The following RASL12 variants were observed in gnomAD, a reference collection of about 807,000 sequenced individuals.
The protein encoded by RASL12 is ras-like protein family member 12.
In RASL12, 16 loss-of-function variants were observed where a neutral mutation model predicts 22.9. The ratio of observed to expected loss-of-function variants is 0.70; its 90% CI spans 0.47 to 1.06. The LOEUF is 1.06. RASL12 is among the 50% of genes least tolerant of loss of function. The pLI is 0.00. For missense variants in RASL12, 306 were observed against 353.1 expected (o/e 0.87, Z 1.07); for synonymous variants, 159 against 152.2 (o/e 1.04, Z -0.33).
chr15:65,057,971 C>T (rs867733964), intron 4 of RASL12, among the ~76,000 whole-genome samples: 5 of 152,220 alleles, frequency 3.3e-5, no homozygotes, highest in Admixed American at 1.3e-4. Context: ...CTACCATACC[C>T]TTACAACATA....
chr15:65,049,295 C>T (rs994743976), downstream of RASL12: 24 of 107,784 alleles, frequency 2.2e-4, no homozygotes, highest in African/African-American at 8.5e-4. Flanking sequence ...TCTTCCCTTG[C>T]AAATAACAGA....
chr15:65,051,904 C>T (rs1000552319), downstream of RASL12, among the ~76,000 whole-genome samples: 11 of 152,340 alleles, frequency 7.2e-5, no homozygotes, highest in African/African-American at 2.6e-4. Context: ...TATCAGCACA[C>T]ATGCACCTCA....
chr15:65,067,353 G>A (rs1039601815), intron 1 of RASL12, among the ~76,000 whole-genome samples: 2 of 151,990 alleles, frequency 1.3e-5, no homozygotes, highest in African/African-American at 4.8e-5. Flanking sequence ...CTGGCCCCAG[G>A]GTAGGTCATA....
chr15:65,062,671 C>T (rs990667003), intron 2 of RASL12, among the ~76,000 whole-genome samples: 3 of 152,220 alleles, frequency 2.0e-5, no homozygotes, highest in Non-Finnish European at 2.9e-5. Flanking sequence ...GGGAATGAAT[C>T]TCCACCCTCA....
upstream of RASL12, among the ~76,000 whole-genome samples, chr15:65,072,448 C>T (rs773367388): frequency 7.9e-4 from 121 of 152,278 alleles, no homozygotes; most frequent in Middle Eastern, 0.014. Flanking sequence ...GAGAGAAGTT[C>T]CCCTGCCTCT....
intron 1 of RASL12, among the ~76,000 whole-genome samples, chr15:65,073,684 C>A (rs1370735561): frequency 6.6e-6 from 1 of 152,222 alleles, no homozygotes; most frequent in Non-Finnish European, 1.5e-5. Flanking sequence ...GTCTGCCACT[C>A]TCTGGCTATG....
chr15:65,053,175 G>A, downstream of RASL12: 1 of 1,613,336 alleles, frequency 6.2e-7, no homozygotes, highest in Non-Finnish European at 8.5e-7. Flanking sequence ...TGAGGGTTCA[G>A]AGAAGCCCCA....
chr15:65,055,150 G>A lies in RASL12; in HGVS notation c.550C>T (p.Arg184Trp), dbSNP rs750947249. Residue 184 changes from arginine (R) to tryptophan (W), a missense_variant, in exon 5 of 5, where the codon CGG becomes TGG. Arg to Trp is a moderately radical substitution (Grantham distance 101, BLOSUM62 -3). Coordinates refer to ENST00000220062, the MANE Select transcript of RASL12 (RefSeq NM_016563.4). ...HVFHEAVREA[R>W]RELEKSPLTR... ...AGGGGGCTCTTCTCCAGCTCCCGCC[G>A]TGCCTCTCGCACTGCCTCGTGGAAG... 2.4e-5 allele frequency: 39 copies of A among 1,612,148 alleles called. No homozygotes were observed. The highest frequency in any genetic ancestry group is 1.4e-4 in the South Asian group (13 of 90,854).
upstream of RASL12, among the ~76,000 whole-genome samples, chr15:65,069,839 T>C (rs192209595): frequency 4.7e-3 from 716 of 152,250 alleles, 6 homozygotes; most frequent in African/African-American, 0.016. Flanking sequence ...AGTTCAGAGA[T>C]TATTTGAGCT....
In RASL12 at chr15:65,053,781, C is replaced by T. The variant is rs763110918; in HGVS notation, c.*1118G>A. The T allele has an allele frequency of 5.1e-6, 5 of 986,220 alleles. No individual in the cohort carries two copies. Among genetic ancestry groups the T allele is most frequent in the Non-Finnish European group, 6.0e-6 (5 of 830,344 alleles). 61.1% of individuals were successfully genotyped at this position (986,220 alleles called of 1,614,324 possible). On this transcript the variant is annotated 3_prime_UTR_variant, in exon 5 of 5. Transcript: ENST00000220062. ...TAAACAAAATCAGACAACTACCACA[C>T]TGCCTGCCTTGGACAGCCTTTTCTT...
intron 4 of RASL12, among the ~76,000 whole-genome samples, chr15:65,058,010 GC>G (rs1487740997): frequency 6.6e-6 from 1 of 152,190 alleles, no homozygotes; most frequent in African/African-American, 2.4e-5. Context: ...GGTGGCTCAC[GC>G]CTGTAATCCC....
chr15:65,065,417 G>T, intron 1 of RASL12, 144 bp from the exon 2 acceptor site: 1 of 780,734 alleles, frequency 1.3e-6, no homozygotes, highest in Non-Finnish European at 2.1e-6. Flanking sequence ...CTAGGGAACT[G>T]AGGAATTGGT....
At chr15:65,076,597 A>T (rs1317474996) in exon 1 of RASL12, 1 of 703,838 alleles carries the variant, frequency 1.4e-6, no homozygotes, top group African/African-American at 1.7e-5. Context: ...CATTATTACC[A>T]TTTCTTCTAA....
intron 2 of RASL12, among the ~76,000 whole-genome samples, chr15:65,060,931 CAA>C (rs148094804): frequency 6.6e-6 from 1 of 151,896 alleles, no homozygotes; most frequent in Admixed American, 6.6e-5. Flanking sequence ...TATGCAAAGA[CAA>C]AAAAAATCTA....
chr15:65,057,020 G>A (rs1368439572), intron 4 of RASL12, among the ~76,000 whole-genome samples: 1 of 152,174 alleles, frequency 6.6e-6, no homozygotes, highest in Non-Finnish European at 1.5e-5. Flanking sequence ...CCCTAAGAGG[G>A]TCTGCAATTC....
At chr15:65,075,869 C>T (rs954696328) in intron 1 of RASL12, among the ~76,000 whole-genome samples, 36 of 149,406 alleles carry the variant, frequency 2.4e-4, no homozygotes, top group African/African-American at 6.5e-4. Context: ...ATACACCAAT[C>T]GGCACTCTGT....
chr15:65,054,850 G>C lies in RASL12; in HGVS notation c.*49C>G. 6.4e-7 allele frequency: 1 copy of C among 1,563,600 alleles called. No homozygotes were observed. Among genetic ancestry groups the C allele is most frequent in the Non-Finnish European group, 8.7e-7 (1 of 1,154,540 alleles). On this transcript the variant is annotated 3_prime_UTR_variant, in exon 5 of 5. Coordinates refer to ENST00000220062, the MANE Select transcript of RASL12 (RefSeq NM_016563.4). ...GTGGTGAGAAGCCAGTCCCTGTCCT[G>C]CTGCAGTCCTGTCCAGCCACCGAGC...
At chr15:65,076,367 G>T (rs2086969441) in intron 1 of RASL12, among the ~76,000 whole-genome samples, 1 of 151,940 alleles carries the variant, frequency 6.6e-6, no homozygotes, top group African/African-American at 2.4e-5. Flanking sequence ...AACAACTCCA[G>T]ACACGCTGCC....
At chr15:65,060,024 T>C (rs2086783201) in intron 2 of RASL12, among the ~76,000 whole-genome samples, 1 of 152,254 alleles carries the variant, frequency 6.6e-6, no homozygotes, top group South Asian at 2.1e-4. Flanking sequence ...TTTAGCTTTG[T>C]GACTTGGCCA....
Sources: gnomAD v4.1 joint callset for allele counts (sites outside exome capture counted in the v4.1 genomes callset) on GRCh38, gnomAD v4.1.1 for gene constraint, MANE v1.5 for transcripts, NCBI Gene and HGNC (gene_info 2026-07-23, HGNC 2026-07-21) for gene names.